The following CATSPERB variants were observed in gnomAD, a reference collection of about 807,000 sequenced individuals.
The protein encoded by CATSPERB is catsper channel auxiliary subunit beta.
Under a neutral mutation model 128.3 loss-of-function variants are expected in CATSPERB, and 93 were observed. The ratio of observed to expected loss-of-function variants is 0.72; its 90% CI spans 0.61 to 0.86. CATSPERB has a LOEUF of 0.86. Among genes scored for constraint, CATSPERB ranks in the 40% least tolerant of loss-of-function variants. The probability of loss-of-function intolerance (pLI) is 0.00; values close to 1 mark genes in which losing one functional copy is unlikely to be tolerated. For synonymous variants in CATSPERB, 381 were observed against 448.8 expected (o/e 0.85, Z 1.91); for missense variants, 1,153 against 1,329.5 (o/e 0.87, Z 2.06).
chr14:91,640,249 T>A (rs1894467681), intron 15 of CATSPERB, among the ~76,000 whole-genome samples: 1 of 101,858 alleles, frequency 9.8e-6, no homozygotes, highest in Admixed American at 8.5e-5. Flanking sequence ...TTTTTATTTT[T>A]TTATTTTTTT....
rs1895052039 is a variant in CATSPERB at position 91,669,726 on chromosome 14, G to A, written c.1287+88C>T. 32 of 1,277,864 alleles carry A rather than the reference G, an allele frequency of 2.5e-5. No individual in the cohort carries two copies. In the South Asian group the frequency reaches 4.6e-4, roughly 18 times the overall value. 79.2% of individuals were successfully genotyped at this position (1,277,864 alleles called of 1,614,324 possible). On this transcript the variant is annotated intron_variant, in intron 14 of 26. Transcript: ENST00000256343. ...CCACTGCCATCTCTAGGTCATCAGA[G>A]AAGCTCTGTTCTTAATGTACAGCCA...
At chr14:91,679,718 G>A (rs1430629009) in intron 11 of CATSPERB, among the ~76,000 whole-genome samples, 5 of 152,088 alleles carry the variant, frequency 3.3e-5, no homozygotes, top group Non-Finnish European at 5.9e-5. Context: ...TTTCACAAAC[G>A]TCCTTGAAAT....
intron 10 of CATSPERB, among the ~76,000 whole-genome samples, chr14:91,686,695 C>T (rs1286060079): frequency 6.6e-6 from 1 of 152,118 alleles, no homozygotes; most frequent in African/African-American, 2.4e-5. Context: ...AAGGACAATT[C>T]GTGATTATTT....
intron 25 of CATSPERB, 97 bp from the exon 26 acceptor site, chr14:91,587,373 T>A: frequency 1.4e-6 from 1 of 737,456 alleles, no homozygotes; most frequent in Non-Finnish European, 2.1e-6. Flanking sequence ...TCCCTATAGA[T>A]GCTGCATGAA....
rs1283549890 is a variant in CATSPERB, at chr14:91,621,773, A to G, written c.2095T>C (p.Phe699Leu). Residue 699 changes from phenylalanine to leucine, a missense_variant, in exon 19 of 27, where the codon TTC becomes CTC. By Grantham distance (22) the Phe-to-Leu change is conservative. Coordinates refer to ENST00000256343, the MANE Select transcript of CATSPERB (RefSeq NM_024764.4). ...NNMTFLKSTW[F>L]LYNFGQRNGR... Reference sequence around the variant, plus strand: ...TTCCTTTGCCCAAAGTTGTATAAGAACCATGTGCTCTTTAGAAAGGTCATA... The same window carrying G: ...TTCCTTTGCCCAAAGTTGTATAAGAGCCATGTGCTCTTTAGAAAGGTCATA... The G allele has an allele frequency of 1.2e-6, 2 of 1,614,018 alleles. No individual in the cohort carries two copies. Among genetic ancestry groups the G allele is most frequent in the African/African-American group, 2.7e-5 (2 of 74,918 alleles).
intron 20 of CATSPERB, among the ~76,000 whole-genome samples, chr14:91,613,518 T>G (rs779857998): frequency 6.6e-6 from 1 of 152,196 alleles, no homozygotes; most frequent in Non-Finnish European, 1.5e-5. Flanking sequence ...GTTTTAGATA[T>G]GCTATTTGTA....
chr14:91,609,895 A>G (rs1893791478), intron 21 of CATSPERB, among the ~76,000 whole-genome samples: 1 of 151,634 alleles, frequency 6.6e-6, no homozygotes, highest in Admixed American at 6.6e-5. Context: ...TAATTTTTGT[A>G]TTTTTTGTAG....
At chr14:91,592,047 G>C in intron 22 of CATSPERB, 45 bp from the exon 23 acceptor site, 1 of 1,191,782 alleles carries the variant, frequency 8.4e-7, no homozygotes, top group Middle Eastern at 1.9e-4. Flanking sequence ...TCTGCGTTGC[G>C]GGATTTCTGC....
intron 15 of CATSPERB, among the ~76,000 whole-genome samples, chr14:91,656,988 A>G (rs1185819609): frequency 7.9e-5 from 12 of 152,144 alleles, no homozygotes; most frequent in Admixed American, 6.5e-4. Context: ...TATACACTCA[A>G]TGCTGGAGCC....
At chr14:91,697,790 T>C (rs1250632201) in intron 7 of CATSPERB, among the ~76,000 whole-genome samples, 1 of 152,196 alleles carries the variant, frequency 6.6e-6, no homozygotes, top group South Asian at 2.1e-4. Context: ...AGTCTTGTAG[T>C]ATAGTTTGAA....
chr14:91,729,573 A>G (rs1896179736), intron 1 of CATSPERB, 94 bp from the exon 2 acceptor site: 8 of 595,462 alleles, frequency 1.3e-5, no homozygotes, highest in Non-Finnish European at 2.3e-5. Flanking sequence ...TAAAGAAATA[A>G]TCTCAATATT....
chr14:91,620,645 T>A (rs774179849), intron 19 of CATSPERB, among the ~76,000 whole-genome samples: 4 of 152,220 alleles, frequency 2.6e-5, no homozygotes, highest in Non-Finnish European at 4.4e-5. Flanking sequence ...GGGGAAAGTA[T>A]AGAATTCTAC....
chr14:91,645,771 G>T (rs1257731975), intron 15 of CATSPERB, among the ~76,000 whole-genome samples: 2 of 147,136 alleles, frequency 1.4e-5, no homozygotes, highest in South Asian at 2.3e-4. Context: ...GTTTACCTAA[G>T]CAAGCCTGGG....
At chr14:91,625,603 G>A (rs1366996988) in intron 17 of CATSPERB, among the ~76,000 whole-genome samples, 2 of 152,060 alleles carry the variant, frequency 1.3e-5, no homozygotes, top group African/African-American at 2.4e-5. Context: ...AATGAAGAAA[G>A]CAAGTGGAAA....
chr14:91,616,731 C>CT (rs1566705141), intron 20 of CATSPERB, among the ~76,000 whole-genome samples: 5 of 132,644 alleles, frequency 3.8e-5, no homozygotes, highest in Non-Finnish European at 8.1e-5. Flanking sequence ...TAAAGTATTC[C>CT]CCTTTTTTTT....
At chr14:91,717,724 A>G (rs1425775038) in intron 5 of CATSPERB, among the ~76,000 whole-genome samples, 2 of 152,168 alleles carry the variant, frequency 1.3e-5, no homozygotes, top group East Asian at 1.9e-4. Context: ...CATACACTCA[A>G]ATATATTCCC....
intron 4 of CATSPERB, among the ~76,000 whole-genome samples, chr14:91,720,475 C>A (rs1300306640): frequency 1.3e-5 from 2 of 150,598 alleles, no homozygotes; most frequent in Admixed American, 1.3e-4. Flanking sequence ...ATTAAGAAAG[C>A]AATTCCCTTT....
At chr14:91,584,805 A>G (rs1248110281) in intron 26 of CATSPERB, among the ~76,000 whole-genome samples, 2 of 152,096 alleles carry the variant, frequency 1.3e-5, no homozygotes, top group African/African-American at 4.8e-5. Flanking sequence ...ACCCTTGTAT[A>G]TACAGTGTTG....
At chr14:91,695,181 G>C (rs1342608873) in intron 7 of CATSPERB, among the ~76,000 whole-genome samples, 1 of 150,156 alleles carries the variant, frequency 6.7e-6, no homozygotes, top group African/African-American at 2.5e-5. Context: ...CCAGGCTGGG[G>C]TGCAGTGGCG....
Sources: gnomAD v4.1 joint callset for allele counts (sites outside exome capture counted in the v4.1 genomes callset) on GRCh38, gnomAD v4.1.1 for gene constraint, MANE v1.5 for transcripts, NCBI Gene and HGNC (gene_info 2026-07-23, HGNC 2026-07-21) for gene names.